Variants in SYN3 observed in about 807,000 individuals in gnomAD.
SYN3 encodes the protein synapsin-3.
A neutral mutation model predicts 65.8 loss-of-function variants in SYN3; 35 were observed. The ratio of observed to expected loss-of-function variants is 0.53; its 90% CI spans 0.41 to 0.70. The LOEUF is 0.70. SYN3 is among the 30% of genes least tolerant of loss of function. The pLI, the probability that SYN3 is intolerant of heterozygous loss-of-function variation, is 0.00. For synonymous variants in SYN3, 270 were observed against 292.9 expected (o/e 0.92, Z 0.80); for missense variants, 680 against 749.0 (o/e 0.91, Z 1.08).
intron 3 of SYN3, among the ~76,000 whole-genome samples, chr22:32,943,207 T>C (rs1018821292): frequency 1.3e-5 from 2 of 152,172 alleles, no homozygotes; most frequent in African/African-American, 4.8e-5. Context: ...AAAGGTCGGG[T>C]TACCCACAAA....
At chr22:32,546,456 C>T (rs547021487) in intron 7 of SYN3, among the ~76,000 whole-genome samples, 2 of 152,272 alleles carry the variant, frequency 1.3e-5, no homozygotes, top group East Asian at 1.9e-4. Flanking sequence ...GCTACGCTCT[C>T]TGAGGGTTAC....
chr22:33,007,484 G>A (rs768587018), intron 1 of SYN3, among the ~76,000 whole-genome samples: 4 of 152,174 alleles, frequency 2.6e-5, no homozygotes, highest in Non-Finnish European at 5.9e-5. Flanking sequence ...AGATAATGCT[G>A]AATATGATGC....
chr22:32,632,334 T>C (rs2059758255), intron 6 of SYN3, among the ~76,000 whole-genome samples: 1 of 152,332 alleles, frequency 6.6e-6, no homozygotes, highest in Middle Eastern at 3.4e-3. Flanking sequence ...GTGAGAGCTC[T>C]TGCCTGGGCG....
chr22:32,675,334 G>C (rs2060425153), intron 6 of SYN3, among the ~76,000 whole-genome samples: 2 of 152,136 alleles, frequency 1.3e-5, no homozygotes, highest in South Asian at 2.1e-4. Flanking sequence ...TCCCTGCTTA[G>C]TGTCTTTTCA....
At position 32,591,833 on chromosome 22, in the gene SYN3, G is replaced by A. The variant is rs144596232; in HGVS notation, c.774+4841C>T. Among the ~76,000 whole-genome samples, 163 of 152,246 alleles carry A rather than the reference G, an allele frequency of 1.1e-3. 1 individual carries two copies. Among genetic ancestry groups the A allele is most frequent in the Middle Eastern group, 3.4e-3 (1 of 294 alleles). ...TGAAGTGCACACCATCCTGAGTAGC[G>A]TGATGAAATCTTGCACCACCCAGCT... On this transcript the variant is annotated intron_variant, in intron 7 of 13. Transcript: ENST00000358763.
At chr22:32,716,791 G>A (rs1218565177) in intron 6 of SYN3, among the ~76,000 whole-genome samples, 2 of 152,206 alleles carry the variant, frequency 1.3e-5, no homozygotes, top group Non-Finnish European at 2.9e-5. Context: ...TCAAAGGGCT[G>A]GGATTACAGG....
intron 4 of SYN3, among the ~76,000 whole-genome samples, chr22:32,925,906 C>A (rs951259098): frequency 1.4e-5 from 2 of 139,872 alleles, no homozygotes; most frequent in African/African-American, 5.4e-5. Context: ...AATCTGTCAT[C>A]CAGGCTCACT....
chr22:32,643,358 G>A (rs539410634), intron 6 of SYN3, among the ~76,000 whole-genome samples: 73 of 152,242 alleles, frequency 4.8e-4, no homozygotes, highest in Non-Finnish European at 9.1e-4. Context: ...GATTACAGGC[G>A]TGAGCCACTG....
intron 6 of SYN3, among the ~76,000 whole-genome samples, chr22:32,688,326 A>G (rs1024594397): frequency 9.9e-5 from 15 of 152,264 alleles, no homozygotes; most frequent in African/African-American, 3.4e-4. Flanking sequence ...TTCTGGTTCT[A>G]CTGGCTGGGT....
At chr22:33,038,098 T>C (rs1157526217) in intron 1 of SYN3, among the ~76,000 whole-genome samples, 2 of 152,156 alleles carry the variant, frequency 1.3e-5, no homozygotes, top group African/African-American at 4.8e-5. Flanking sequence ...GCTGGCTCTC[T>C]TTCTCATCAG....
At chr22:32,698,527 T>A (rs1429474837) in intron 6 of SYN3, among the ~76,000 whole-genome samples, 10 of 151,400 alleles carry the variant, frequency 6.6e-5, no homozygotes. Flanking sequence ...TGGCAAAGTG[T>A]TTTTTTTGCT....
intron 6 of SYN3, among the ~76,000 whole-genome samples, chr22:32,797,568 C>T (rs2046459246): frequency 6.6e-6 from 1 of 152,086 alleles, no homozygotes; most frequent in Non-Finnish European, 1.5e-5. Flanking sequence ...GTGCTACGAT[C>T]CAAGAGACAA....
Position 32,541,724 on chromosome 22 carries a change from G to A in SYN3, c.775-11C>T, listed in dbSNP as rs768266861. On this transcript the variant is annotated splice_polypyrimidine_tract_variant and intron_variant, in intron 7 of 13. Transcript: ENST00000358763. ...GTTTTCCACTTTGATCTGTGTGGGAGGATGAGGGGGATGAGTGCCACCCAC... is the reference window on the plus strand; with the variant it reads ...GTTTTCCACTTTGATCTGTGTGGGAAGATGAGGGGGATGAGTGCCACCCAC... 9.3e-6 allele frequency: 15 copies of A among 1,611,524 alleles called. No individual in the cohort carries two copies. The African/African-American group carries it at 1.5e-4, about 16-fold the overall frequency.
chr22:32,556,165 C>A (rs186184181), intron 7 of SYN3, among the ~76,000 whole-genome samples: 16 of 152,232 alleles, frequency 1.1e-4, no homozygotes, highest in African/African-American at 3.6e-4. Context: ...GTAGTTAGAG[C>A]GAAATAGCTT....
chr22:32,824,463 T>G (rs1166664487), intron 6 of SYN3, among the ~76,000 whole-genome samples: 2 of 152,126 alleles, frequency 1.3e-5, no homozygotes, highest in African/African-American at 4.8e-5. Flanking sequence ...ATATAGGGAC[T>G]GGCACCACCA....
rs932294353 is a variant in SYN3 at position 32,682,798 on chromosome 22, C to T, written c.712-86062G>A. On this transcript the variant is annotated intron_variant, in intron 6 of 13. Transcript: ENST00000358763. ...GGTGGATGCCTGGACTGCAGGTAGG[C>T]ACATGCCCTTGTAAAGGCACACGAA... Among the ~76,000 whole-genome samples the T allele has an allele frequency of 3.9e-5, 6 of 152,268 alleles. No individual in the cohort carries two copies. The East Asian group carries it at 1.2e-3, about 29-fold the overall frequency.
intron 4 of SYN3, among the ~76,000 whole-genome samples, chr22:32,926,837 T>A (rs967797093): frequency 1.3e-5 from 2 of 152,182 alleles, no homozygotes; most frequent in Admixed American, 1.3e-4. Flanking sequence ...CAAATGACCA[T>A]GAGAGGGCGA....
At chr22:32,802,994 G>C (rs558435570) in intron 6 of SYN3, among the ~76,000 whole-genome samples, 1 of 152,296 alleles carries the variant, frequency 6.6e-6, no homozygotes, top group African/African-American at 2.4e-5. Flanking sequence ...CTACTCCTTA[G>C]TGTGTATGGA....
At chr22:32,762,340 G>T (rs375330604) in intron 6 of SYN3, among the ~76,000 whole-genome samples, 3 of 152,092 alleles carry the variant, frequency 2.0e-5, no homozygotes, top group East Asian at 3.9e-4. Flanking sequence ...GCGGTGGGCT[G>T]GGACTGGCAC....
Sources: allele counts gnomAD v4.1 joint callset (sites outside exome capture counted in the v4.1 genomes callset), GRCh38; gene constraint gnomAD v4.1.1; transcripts MANE v1.5; gene names NCBI Gene and HGNC (gene_info 2026-07-23, HGNC 2026-07-21).